Variants in BAZ1B observed in about 807,000 individuals in gnomAD.
The protein encoded by BAZ1B is tyrosine-protein kinase BAZ1B.
Under a neutral mutation model 153.8 loss-of-function variants are expected in BAZ1B, and 22 were observed. That is an observed-to-expected ratio of 0.14 (90% CI 0.10 to 0.20). BAZ1B has a LOEUF of 0.20. Ranked by LOEUF, BAZ1B falls within the 10% of genes least tolerant of loss-of-function variation. The pLI, the probability that BAZ1B is intolerant of heterozygous loss-of-function variation, is 1.00. For missense variants in BAZ1B, 1,325 were observed against 1,799.3 expected, an observed-to-expected ratio of 0.74 and a Z score of 4.77; for synonymous variants, 676 against 633.4, an observed-to-expected ratio of 1.07 and a Z score of -1.01.
At chr7:73,520,524 C>T (rs1378858759) in intron 1 of BAZ1B, among the ~76,000 whole-genome samples, 3 of 152,000 alleles carry the variant, frequency 2.0e-5, no homozygotes, top group African/African-American at 7.2e-5. Context: ...ACTCTCTGGG[C>T]CAACTCAGCA....
chr7:73,470,448 G>A lies in BAZ1B; in HGVS notation c.2629C>T (p.Arg877Trp). 2 of 1,613,888 alleles carry A rather than the reference G, an allele frequency of 1.2e-6. No homozygotes were observed. Among genetic ancestry groups the A allele is most frequent in the Non-Finnish European group, 1.7e-6 (2 of 1,179,986 alleles). ...TTCTCAGCAGCTGCTTTGTGCTTCC[G>A]TATTCGTTCTTCTTCAGCTTGGCGT... Reference protein sequence around the residue: ...LERQAEEERIRKHKAAAEKAF... With the variant: ...LERQAEEERIWKHKAAAEKAF... Residue 877 changes from arginine (R) to tryptophan (W), a missense_variant, in exon 8 of 20, where the codon CGG becomes TGG. Coordinates refer to ENST00000339594, the MANE Select transcript of BAZ1B (RefSeq NM_032408.4).
rs1789029582 is a variant in BAZ1B at position 73,477,181 on chromosome 7, G to A, written c.2280C>T (p.Tyr760=). The change falls in exon 7 of 20, where the codon TAC becomes TAT. Residue 760 remains tyrosine (Y), a synonymous_variant. Transcript: ENST00000339594. The surrounding 1 kb of genome is among the most constrained non-coding windows in gnomAD (Gnocchi z 5.6). The part of the protein sequence containing the change: ...TALCHRILMT[Y]SVQDHMETRQ... ...TGGTCTCCATGTGGTCTTGCACTGA[G>A]TATGTCATGAGGATCCGGTGGCACA... The A allele has an allele frequency of 1.2e-6, 2 of 1,614,200 alleles. No homozygotes were observed. The highest frequency in any genetic ancestry group is 3.3e-4 in the Middle Eastern group (2 of 6,062).
chr7:73,490,752 TG>T (rs782703071), intron 5 of BAZ1B, among the ~76,000 whole-genome samples: 126 of 151,876 alleles, frequency 8.3e-4, no homozygotes, highest in Middle Eastern at 3.4e-3. Flanking sequence ...ATTACAGGCA[TG>T]TGCCACCACG....
intron 14 of BAZ1B, 35 bp from the exon 15 acceptor site, chr7:73,449,724 A>G (rs1056170240): frequency 1.9e-6 from 3 of 1,607,320 alleles, no homozygotes; most frequent in Middle Eastern, 1.7e-4. Context: ...CATTGTTGGG[A>G]GCACAGCAGC....
At chr7:73,491,329 T>C (rs1222098747) in intron 5 of BAZ1B, among the ~76,000 whole-genome samples, 1 of 152,084 alleles carries the variant, frequency 6.6e-6, no homozygotes, top group Admixed American at 6.6e-5. Context: ...CCGGGCGTGG[T>C]GGATCACGCT....
At chr7:73,511,101 T>C (rs368998258) in intron 1 of BAZ1B, among the ~76,000 whole-genome samples, 22 of 151,918 alleles carry the variant, frequency 1.4e-4, no homozygotes, top group South Asian at 8.3e-4. Context: ...ACCCCGTGTC[T>C]ACTAAAAATA....
chr7:73,453,000 A>T (rs549568796), intron 13 of BAZ1B, among the ~76,000 whole-genome samples: 2 of 152,344 alleles, frequency 1.3e-5, no homozygotes, highest in East Asian at 3.9e-4. Context: ...TAAAAACCGA[A>T]ATCAACCACT....
intron 4 of BAZ1B, among the ~76,000 whole-genome samples, chr7:73,495,770 A>C (rs1243483188): frequency 1.3e-5 from 2 of 152,210 alleles, no homozygotes; most frequent in Non-Finnish European, 2.9e-5. Flanking sequence ...CTTGCAAACT[A>C]ACACAGGAAC....
chr7:73,518,125 G>A (rs1790884938), intron 1 of BAZ1B, among the ~76,000 whole-genome samples: 1 of 152,104 alleles, frequency 6.6e-6, no homozygotes, highest in Non-Finnish European at 1.5e-5. Flanking sequence ...AATCAGGCTG[G>A]GCGCAGTGGC....
chr7:73,500,528 C>T (rs183937725), intron 3 of BAZ1B, among the ~76,000 whole-genome samples: 8 of 151,948 alleles, frequency 5.3e-5, no homozygotes, highest in East Asian at 3.9e-4. Context: ...GGCAACACAG[C>T]GAGACCTTAT....
At chr7:73,508,289 C>A (rs1790427110) in intron 3 of BAZ1B, 38 bp downstream of exon 3, 1 of 1,602,444 alleles carries the variant, frequency 6.2e-7, no homozygotes. Flanking sequence ...AGCTCTAATT[C>A]TGATGGTAAG....
chr7:73,519,767 T>TTA (rs1435032456), intron 1 of BAZ1B, among the ~76,000 whole-genome samples: 1 of 151,974 alleles, frequency 6.6e-6, no homozygotes, highest in Non-Finnish European at 1.5e-5. Flanking sequence ...GGCATGTTTC[T>TTA]TATACTCTGC....
At position 73,478,030 on chromosome 7, in the gene BAZ1B, G is replaced by A; in HGVS notation, c.1431C>T (p.His477=). ...TGTTTTCTTTGTAGTATGCAATGAG[G>A]TGTAGGGCTGCAGGAGGCAGATGTT... ...PHKHLPPAAL[H]LIAYYKENKD... Residue 477 remains histidine, a synonymous_variant, in exon 7 of 20, where the codon CAC becomes CAT. Transcript: ENST00000339594. 2 of 1,614,192 alleles carry A rather than the reference G, an allele frequency of 1.2e-6. No homozygotes were observed. The highest frequency in any genetic ancestry group is 1.7e-6 in the Non-Finnish European group (2 of 1,180,030).
chr7:73,502,127 G>A (rs973541070), intron 3 of BAZ1B, among the ~76,000 whole-genome samples: 38 of 151,936 alleles, frequency 2.5e-4, no homozygotes, highest in African/African-American at 8.9e-4. Flanking sequence ...CTGACCTCGT[G>A]ATCTGCCTGC....
chr7:73,496,796 G>GC (rs1269912497), intron 4 of BAZ1B, among the ~76,000 whole-genome samples: 1 of 152,034 alleles, frequency 6.6e-6, no homozygotes, highest in Non-Finnish European at 1.5e-5. Context: ...CCCTTGAACA[G>GC]CATGGGGGTT....
At chr7:73,521,019 A>G (rs533161113) in intron 1 of BAZ1B, among the ~76,000 whole-genome samples, 2 of 152,252 alleles carry the variant, frequency 1.3e-5, no homozygotes, top group African/African-American at 4.8e-5. Flanking sequence ...AAGAAATCTT[A>G]GTCATGACGA....
rs370031933 is a variant in BAZ1B, at chr7:73,476,963, G to C, written c.2498C>G (p.Thr833Arg). 23 of 1,613,984 alleles carry C rather than the reference G, an allele frequency of 1.4e-5. No individual in the cohort carries two copies. The highest frequency in any genetic ancestry group is 1.9e-5 in the Non-Finnish European group (22 of 1,180,032). Residue 833 changes from threonine to arginine, a missense_variant, in exon 7 of 20, where the codon ACA becomes AGA. Physicochemically the swap from Thr to Arg is moderately conservative, Grantham distance 71. Coordinates refer to ENST00000339594, the MANE Select transcript of BAZ1B (RefSeq NM_032408.4). ...AGCACTAATCATGTCTTCAGCTTCT[G>C]TATCTACTTGGGGCTCAAACTTCAC... Reference protein sequence around the residue: ...EIVKFEPQVDTEAEDMISAVK... With the variant: ...EIVKFEPQVDREAEDMISAVK...
intron 3 of BAZ1B, among the ~76,000 whole-genome samples, chr7:73,501,606 CT>C (rs1252017288): frequency 1.3e-5 from 2 of 152,134 alleles, no homozygotes; most frequent in African/African-American, 4.8e-5. Context: ...CTAGAATCAT[CT>C]GTCCTAAAGT....
chr7:73,469,483 G>C (rs571501482), intron 9 of BAZ1B, 34 bp downstream of exon 9: 1 of 1,611,004 alleles, frequency 6.2e-7, no homozygotes, highest in Non-Finnish European at 8.5e-7. Context: ...CTTGAGCAGG[G>C]TGAAATAACT....
Sources: allele counts gnomAD v4.1 joint callset (sites outside exome capture counted in the v4.1 genomes callset), GRCh38; gene constraint gnomAD v4.1.1; non-coding constraint Gnocchi (gnomAD v3.1); transcripts MANE v1.5; gene names NCBI Gene and HGNC (gene_info 2026-07-23, HGNC 2026-07-21).